The following PRKCE variants were observed in gnomAD, a reference collection of about 807,000 sequenced individuals.
PRKCE encodes the protein protein kinase C epsilon, also known as protein kinase C epsilon type.
A neutral mutation model predicts 85.4 loss-of-function variants in PRKCE; 16 were observed. The ratio of observed to expected loss-of-function variants is 0.19; its 90% confidence interval spans 0.13 to 0.28. The LOEUF is 0.28. Among genes scored for constraint, PRKCE ranks in the 10% least tolerant of loss-of-function variants. The probability of loss-of-function intolerance (pLI) is 1.00; values close to 1 mark genes in which losing one functional copy is unlikely to be tolerated. For synonymous variants in PRKCE, 388 were observed against 371.5 expected (o/e 1.04, Z -0.51); for missense variants, 573 against 975.2 (o/e 0.59, Z 5.49).
intron 12 of PRKCE, among the ~76,000 whole-genome samples, chr2:46,148,914 C>T (rs571644735): frequency 6.6e-6 from 1 of 152,226 alleles, no homozygotes; most frequent in Admixed American, 6.5e-5. Context: ...GACAGTGGAG[C>T]CCATAGCTTT....
chr2:45,897,944 G>A (rs181673822), intron 2 of PRKCE, among the ~76,000 whole-genome samples: 1 of 152,138 alleles, frequency 6.6e-6, no homozygotes. Flanking sequence ...CCCAACCTCT[G>A]GTGTGATTTG....
In PRKCE at chr2:46,018,155, G is replaced by T. The variant is rs191852448; in HGVS notation, c.1437+7638G>T. On this transcript the variant is annotated intron_variant, in intron 10 of 14. Coordinates refer to ENST00000306156, the MANE Select transcript of PRKCE (RefSeq NM_005400.3). ...GGAAATGTTTCTGTTTTCTGAAAGC[G>T]TAAGAGAGAAAGGAGGAAAAAGGGG... Among the ~76,000 whole-genome samples the T allele has an allele frequency of 1.6e-4, 25 of 152,344 alleles. No individual in the cohort carries two copies. The South Asian group carries it at 5.0e-3, about 30-fold the overall frequency.
At chr2:45,915,383 G>A (rs1315346492) in intron 2 of PRKCE, among the ~76,000 whole-genome samples, 2 of 152,078 alleles carry the variant, frequency 1.3e-5, no homozygotes, top group East Asian at 3.8e-4. Context: ...CTTTAAGATC[G>A]ATGGCATGAA....
chr2:45,965,180 C>T (rs1701652989), intron 2 of PRKCE, among the ~76,000 whole-genome samples: 1 of 152,224 alleles, frequency 6.6e-6, no homozygotes, highest in Non-Finnish European at 1.5e-5. Flanking sequence ...GCTGTTTCCT[C>T]TTTCCTGTTT....
intron 2 of PRKCE, among the ~76,000 whole-genome samples, chr2:45,903,563 A>G (rs1246325804): frequency 2.0e-5 from 3 of 152,222 alleles, no homozygotes; most frequent in Admixed American, 6.5e-5. Flanking sequence ...TGGTATAACT[A>G]TGTTCCAAAT....
chr2:46,061,345 G>A (rs6727437), intron 10 of PRKCE, among the ~76,000 whole-genome samples: 79,482 of 151,716 alleles, frequency 0.52, 22,040 homozygotes, highest in African/African-American at 0.72. Context: ...TCCTGGGCTC[G>A]AGCAATCTGC....
rs192759400 is a variant in PRKCE, at chr2:45,765,963, T to C, written c.349-77037T>C. ...GTAGCAGAAAGAACTAAGAACCTTA[T>C]TGCAATGAAGTTGCAAGTCCAGACG... On this transcript the variant is annotated intron_variant, in intron 1 of 14. Coordinates refer to ENST00000306156, the MANE Select transcript of PRKCE (RefSeq NM_005400.3). Among the ~76,000 whole-genome samples, 80 of 152,334 alleles carry C rather than the reference T, an allele frequency of 5.3e-4. No homozygotes were observed. The East Asian group carries it at 9.6e-3, about 18-fold the overall frequency.
At chr2:46,080,542 G>T (rs1217201210) in intron 10 of PRKCE, among the ~76,000 whole-genome samples, 1 of 152,192 alleles carries the variant, frequency 6.6e-6, no homozygotes, top group African/African-American at 2.4e-5. Context: ...AAGAACTCAG[G>T]CATTTGACGC....
intron 1 of PRKCE, among the ~76,000 whole-genome samples, chr2:45,700,173 C>T (rs7570049): frequency 6.8e-6 from 1 of 147,910 alleles, no homozygotes; most frequent in Non-Finnish European, 1.5e-5. Flanking sequence ...GAGGCCCTGC[C>T]GGGAGCCAGG....
At chr2:45,834,858 C>T (rs910490069) in intron 1 of PRKCE, among the ~76,000 whole-genome samples, 1 of 152,206 alleles carries the variant, frequency 6.6e-6, no homozygotes, top group Non-Finnish European at 1.5e-5. Flanking sequence ...AAAAGGCTTT[C>T]TATAACATTT....
chr2:46,156,349 G>C (rs1017451933), intron 13 of PRKCE, among the ~76,000 whole-genome samples: 3 of 152,080 alleles, frequency 2.0e-5, no homozygotes, highest in Admixed American at 1.3e-4. Flanking sequence ...CACTGTCAGA[G>C]CCTGCTGTGC....
At chr2:45,718,589 AC>A (rs1680352576) in intron 1 of PRKCE, among the ~76,000 whole-genome samples, 1 of 151,936 alleles carries the variant, frequency 6.6e-6, no homozygotes, top group South Asian at 2.1e-4. Flanking sequence ...TGATCGGCCC[AC>A]CTCGGCCTCC....
intron 1 of PRKCE, among the ~76,000 whole-genome samples, chr2:45,719,325 A>C (rs750698472): frequency 1.3e-5 from 2 of 152,236 alleles, no homozygotes; most frequent in Non-Finnish European, 2.9e-5. Context: ...GCACTGATTC[A>C]GCACTGGATT....
intron 11 of PRKCE, among the ~76,000 whole-genome samples, chr2:46,125,621 G>A (rs1200958608): frequency 6.6e-6 from 1 of 152,088 alleles, no homozygotes; most frequent in African/African-American, 2.4e-5. Context: ...ACTGACTGAT[G>A]GAATTTTTCC....
chr2:45,874,029 T>C (rs1694287798), intron 2 of PRKCE, among the ~76,000 whole-genome samples: 1 of 152,236 alleles, frequency 6.6e-6, no homozygotes, highest in Admixed American at 6.5e-5. Context: ...TGGGGCAGTG[T>C]TCCCCACCTC....
At chr2:46,153,220 A>G (rs1453527348) in intron 13 of PRKCE, among the ~76,000 whole-genome samples, 1 of 152,234 alleles carries the variant, frequency 6.6e-6, no homozygotes, top group Non-Finnish European at 1.5e-5. Context: ...GGTAGCCACA[A>G]TTGGGATAAG....
intron 11 of PRKCE, among the ~76,000 whole-genome samples, chr2:46,114,029 G>A (rs1027459573): frequency 1.2e-4 from 19 of 152,042 alleles, no homozygotes; most frequent in Non-Finnish European, 1.2e-4. Context: ...GGGTTTAACG[G>A]GAAGGAAACA....
At chr2:46,108,504 T>C (rs532260524) in intron 11 of PRKCE, among the ~76,000 whole-genome samples, 1 of 152,218 alleles carries the variant, frequency 6.6e-6, no homozygotes, top group East Asian at 1.9e-4. Flanking sequence ...CAGTGGAGAC[T>C]CAGAGAGGTC....
At position 46,095,856 on chromosome 2, in the gene PRKCE, C is replaced by A. The variant is rs192846399; in HGVS notation, c.1592+9494C>A. 2.0e-5 allele frequency among the ~76,000 whole-genome samples: 3 copies of A among 152,350 alleles called. No individual in the cohort carries two copies. The East Asian group carries it at 5.8e-4, about 29-fold the overall frequency. On this transcript the variant is annotated intron_variant, in intron 11 of 14. Coordinates refer to ENST00000306156, the MANE Select transcript of PRKCE (RefSeq NM_005400.3). ...ACAAGAATCGTAATAACAGCAGCAA[C>A]AACAATAATAGCAAAACACTTATTT...
Sources: gnomAD v4.1 joint callset for allele counts (sites outside exome capture counted in the v4.1 genomes callset) on GRCh38, gnomAD v4.1.1 for gene constraint, MANE v1.5 for transcripts, NCBI Gene and HGNC (gene_info 2026-07-23, HGNC 2026-07-21) for gene names.